UNC13C: variants seen among roughly 807,000 people sequenced by gnomAD.
The protein encoded by UNC13C is unc-13 homolog C.
UNC13C carries 174 observed loss-of-function variants against 245.4 expected under a neutral mutation model. The ratio of observed to expected loss-of-function variants is 0.71; its 90% CI spans 0.63 to 0.80. The LOEUF (loss-of-function observed/expected upper bound fraction) is 0.80, where lower values mean the gene tolerates loss of function less well. UNC13C is among the 30% of genes least tolerant of loss of function. The pLI is 0.00. For missense variants in UNC13C, 2,829 were observed against 2,602.9 expected (o/e 1.09, Z -1.89); for synonymous variants, 992 against 895.1 (o/e 1.11, Z -1.93).
At chr15:54,478,106 T>C (rs1314554700) in intron 19 of UNC13C, among the ~76,000 whole-genome samples, 1 of 151,838 alleles carries the variant, frequency 6.6e-6, no homozygotes, top group Non-Finnish European at 1.5e-5. Flanking sequence ...TAGAGGTGTT[T>C]GTAGTATTCT....
the UNC13C span, among the ~76,000 whole-genome samples, chr15:53,865,595 G>A: frequency 6.6e-6 from 1 of 152,064 alleles, no homozygotes; most frequent in Non-Finnish European, 1.5e-5. Context: ...TTGGGTGTTA[G>A]GATCTCAACA....
At position 54,626,856 on chromosome 15, in the gene UNC13C, G is replaced by A. The variant is rs770868384; in HGVS notation, c.6388G>A (p.Ala2130Thr). The A allele has an allele frequency of 5.0e-6, 8 of 1,612,766 alleles. No individual in the cohort carries two copies. Among genetic ancestry groups the A allele is most frequent in the Non-Finnish European group, 5.9e-6 (7 of 1,179,388 alleles). The change falls in exon 33 of 33, where the codon GCT becomes ACT. Residue 2130 changes from alanine to threonine, a missense_variant. Physicochemically the swap from Ala to Thr is moderately conservative, Grantham distance 58. Coordinates refer to ENST00000260323, the MANE Select transcript of UNC13C (RefSeq NM_001080534.3). ...FILGKENRPG[A>T]YELHLSVKDY... ...TCTCGGAAAGGAAAATCGACCAGGG[G>A]CTTATGAACTTCATCTCTCAGTTAA...
At chr15:54,360,379 T>A (rs563633987) in intron 17 of UNC13C, among the ~76,000 whole-genome samples, 1 of 152,234 alleles carries the variant, frequency 6.6e-6, no homozygotes, top group South Asian at 2.1e-4. Flanking sequence ...CTGAACAATC[T>A]GTCCATTGCT....
chr15:54,269,417 G>A (rs2036629002), intron 10 of UNC13C, among the ~76,000 whole-genome samples: 1 of 152,076 alleles, frequency 6.6e-6, no homozygotes, highest in South Asian at 2.1e-4. Flanking sequence ...CAGTATGAGA[G>A]CCAACATAGG....
chr15:53,961,932 C>T, the UNC13C span, among the ~76,000 whole-genome samples: 3 of 152,196 alleles, frequency 2.0e-5, no homozygotes, highest in Admixed American at 6.5e-5. Flanking sequence ...CTACTCTTCA[C>T]TTATTCTTCT....
chr15:54,376,987 A>G (rs1018901884), intron 17 of UNC13C, among the ~76,000 whole-genome samples: 5 of 152,222 alleles, frequency 3.3e-5, no homozygotes, highest in African/African-American at 1.2e-4. Context: ...GGAGCCAGAA[A>G]AGGAGCAGAC....
chr15:54,409,640 T>C (rs1228664217), intron 18 of UNC13C, among the ~76,000 whole-genome samples: 1 of 152,194 alleles, frequency 6.6e-6, no homozygotes, highest in African/African-American at 2.4e-5. Flanking sequence ...ATTTAATTTG[T>C]GTTCCTGAGT....
intron 24 of UNC13C, among the ~76,000 whole-genome samples, chr15:54,516,007 T>G (rs772487336): frequency 6.6e-6 from 1 of 152,180 alleles, no homozygotes; most frequent in Non-Finnish European, 1.5e-5. Context: ...GTCAACTAAA[T>G]TATCCTTTTA....
At chr15:54,546,951 A>C in intron 27 of UNC13C, 106 bp downstream of exon 27, 1 of 1,033,362 alleles carries the variant, frequency 9.7e-7, no homozygotes, top group Non-Finnish European at 1.4e-6. Flanking sequence ...TTGGGGAAAA[A>C]GTGTTTGGTA....
intron 19 of UNC13C, among the ~76,000 whole-genome samples, chr15:54,423,512 TA>T (rs1038765273): frequency 2.6e-5 from 4 of 151,824 alleles, no homozygotes; most frequent in East Asian, 1.9e-4. Context: ...TAAATATACA[TA>T]AAAAATGTTA....
At chr15:54,125,428 A>C (rs530158813) in intron 2 of UNC13C, among the ~76,000 whole-genome samples, 98 of 152,192 alleles carry the variant, frequency 6.4e-4, no homozygotes, top group African/African-American at 2.3e-3. Flanking sequence ...GCGCCACTGC[A>C]CTCCAGCCCG....
chr15:54,487,132 C>T (rs1271533336), intron 19 of UNC13C, among the ~76,000 whole-genome samples: 1 of 152,128 alleles, frequency 6.6e-6, no homozygotes, highest in Non-Finnish European at 1.5e-5. Context: ...GTAGATCAAT[C>T]AGAGAGTGTA....
At chr15:54,086,621 A>C (rs1361133881) in intron 2 of UNC13C, among the ~76,000 whole-genome samples, 1 of 152,192 alleles carries the variant, frequency 6.6e-6, no homozygotes, top group Non-Finnish European at 1.5e-5. Context: ...TGAAATGGCG[A>C]AAAACAGGAA....
rs115355330 is a variant in UNC13C, at chr15:54,622,046, T to C, written c.6107-281T>C. On this transcript the variant is annotated intron_variant, in intron 30 of 32. Transcript: ENST00000260323. ...GAATATAACTTCATTAAGTGGCTAG[T>C]AAATCAACCCTAGTTCTTTAAACTA... Among the ~76,000 whole-genome samples the C allele has an allele frequency of 6.7e-3, 1,025 of 152,260 alleles. 14 individuals are homozygous for C. Among genetic ancestry groups the C allele is most frequent in the African/African-American group, 0.024 (985 of 41,550 alleles).
In UNC13C at chr15:54,274,667, CTT is replaced by C. The variant is rs10646701; in HGVS notation, c.3818+9192_3818+9193del. Among the ~76,000 whole-genome samples, 203 of 91,572 alleles carry C rather than the reference CTT, an allele frequency of 2.2e-3. 1 individual carries two copies. The highest frequency in any genetic ancestry group is 8.9e-3 in the African/African-American group (194 of 21,774). 60.1% of individuals were successfully genotyped at this position (91,572 alleles called of 152,430 possible). A position where few individuals can be genotyped will look rare whatever the true frequency, so the allele number is the denominator to read the frequency against. The stretch of plus-strand genomic sequence containing the variant: ...ATGGTTAAAAAGCTAATAAAGTAGA[CTT>C]TTTTTTTTTTTTTTTTTTTTGAGAC... On this transcript the variant is annotated intron_variant, in intron 10 of 32. Coordinates refer to ENST00000260323, the MANE Select transcript of UNC13C (RefSeq NM_001080534.3).
intron 2 of UNC13C, among the ~76,000 whole-genome samples, chr15:54,024,503 C>A (rs1896023171): frequency 1.3e-5 from 2 of 152,162 alleles, no homozygotes; most frequent in Admixed American, 6.5e-5. Context: ...AGAACTGTTT[C>A]CTGCACTAAA....
the UNC13C span, among the ~76,000 whole-genome samples, chr15:53,850,188 G>A: frequency 6.6e-6 from 1 of 152,002 alleles, no homozygotes; most frequent in African/African-American, 2.4e-5. Flanking sequence ...GGATGAGGCA[G>A]GAGGATCAAT....
chr15:54,529,063 G>C lies in UNC13C; in HGVS notation c.5546+3426G>C, dbSNP rs918029319. ...CCTTTAAAGCAGATAAATATGCAGAGAGCCAAGAAATGAGACAAATTCAAA... is the reference window on the plus strand; with the variant it reads ...CCTTTAAAGCAGATAAATATGCAGACAGCCAAGAAATGAGACAAATTCAAA... On this transcript the variant is annotated intron_variant, in intron 25 of 32. Transcript: ENST00000260323. 2.6e-5 allele frequency among the ~76,000 whole-genome samples: 4 copies of C among 152,286 alleles called. No individual in the cohort carries two copies. In the East Asian group the frequency reaches 5.8e-4, roughly 22 times the overall value.
At chr15:54,168,301 T>A (rs1055459474) in intron 4 of UNC13C, among the ~76,000 whole-genome samples, 6 of 152,210 alleles carry the variant, frequency 3.9e-5, no homozygotes, top group Admixed American at 6.5e-5. Flanking sequence ...TTGAGATTTG[T>A]TTGGACTTCG....
Sources: allele counts gnomAD v4.1 joint callset (sites outside exome capture counted in the v4.1 genomes callset), GRCh38; gene constraint gnomAD v4.1.1; transcripts MANE v1.5; gene names NCBI Gene and HGNC (gene_info 2026-07-23, HGNC 2026-07-21).